The following BRSK1 variants were observed in gnomAD, a reference collection of about 807,000 sequenced individuals.
BRSK1 encodes BR serine/threonine kinase 1, also known as serine/threonine-protein kinase BRSK1.
In BRSK1, 17 loss-of-function variants were observed where a neutral mutation model predicts 86.2. The observed-to-expected ratio is 0.20, with a 90% confidence interval of 0.14 to 0.30. The LOEUF is 0.30. Among genes scored for constraint, BRSK1 ranks in the 10% least tolerant of loss-of-function variants. BRSK1 has a pLI of 1.00. For missense variants in BRSK1, 719 were observed against 1,071.9 expected (o/e 0.67, Z 4.60); for synonymous variants, 464 against 440.1 (o/e 1.05, Z -0.68).
In BRSK1 at chr19:55,303,965, G is replaced by C. The variant is rs2088609071; in HGVS notation, c.1287-85G>C. On this transcript the variant is annotated intron_variant, in intron 12 of 18. Transcript: ENST00000309383. The surrounding 1 kb of genome is among the most constrained non-coding windows in gnomAD (Gnocchi z 5.1). Reference sequence around the variant, plus strand: ...TCTCTGGGCCTCATTTCCTCACCTGGAAGGACTGTAGAAGTGAGGGAACAT... The same window carrying C: ...TCTCTGGGCCTCATTTCCTCACCTGCAAGGACTGTAGAAGTGAGGGAACAT... The C allele has an allele frequency of 6.6e-7, 1 of 1,526,304 alleles. No homozygotes were observed. The highest frequency in any genetic ancestry group is 2.1e-5 in the Admixed American group (1 of 46,800). 94.5% of individuals were successfully genotyped at this position (1,526,304 alleles called of 1,614,324 possible). A position where few individuals can be genotyped will look rare whatever the true frequency, so the allele number is the denominator to read the frequency against.
Position 55,304,202 on chromosome 19 carries a change from G to A in BRSK1, c.1347+92G>A. The A allele has an allele frequency of 1.5e-6, 2 of 1,315,304 alleles. No homozygotes were observed. Among genetic ancestry groups the A allele is most frequent in the Non-Finnish European group, 1.0e-6 (1 of 954,942 alleles). The allele number at this position is 1,315,304 out of a possible 1,614,324, so 81.5% of individuals were successfully genotyped here. A position where few individuals can be genotyped will look rare whatever the true frequency, so the allele number is the denominator to read the frequency against. Reference sequence around the variant, plus strand: ...TAGCAGAAACTACAATTCCTGTGCAGTCTTGAGACTTGCTTCTTTGTCCCT... The same window carrying A: ...TAGCAGAAACTACAATTCCTGTGCAATCTTGAGACTTGCTTCTTTGTCCCT... On this transcript the variant is annotated intron_variant, in intron 13 of 18. Coordinates refer to ENST00000309383, the MANE Select transcript of BRSK1 (RefSeq NM_032430.2). The surrounding 1 kb of genome is among the most constrained non-coding windows in gnomAD (Gnocchi z 5.2).
chr19:55,311,573 A>G (rs1159472966), intron 18 of BRSK1, among the ~76,000 whole-genome samples: 1 of 152,188 alleles, frequency 6.6e-6, no homozygotes, highest in African/African-American at 2.4e-5. Flanking sequence ...CCGTCCTGGC[A>G]GGCTGTTTCC....
In BRSK1 at chr19:55,284,582, A is replaced by G; in HGVS notation, c.136+4A>G. The G allele has an allele frequency of 2.7e-6, 3 of 1,098,108 alleles. No individual in the cohort carries two copies. The highest frequency in any genetic ancestry group is 3.4e-6 in the Non-Finnish European group (3 of 888,222). The allele number at this position is 1,098,108 out of a possible 1,614,324, so 68.0% of individuals were successfully genotyped here. A position where few individuals can be genotyped will look rare whatever the true frequency, so the allele number is the denominator to read the frequency against. On this transcript the variant is annotated splice_donor_region_variant and intron_variant, in intron 1 of 18. Transcript: ENST00000309383. ...ACGCTGGGCAAAGGACAGACAGGTG[A>G]GCCTAGCAGAAGGGGACACCTGGGG...
At chr19:55,301,920 G>A (rs912943541) in intron 8 of BRSK1, 3 of 786,360 alleles carry the variant, frequency 3.8e-6, no homozygotes, top group Non-Finnish European at 6.5e-6. Flanking sequence ...TGCGCATGCG[G>A]CAAAGTAATG....
chr19:55,287,222 G>T lies in BRSK1; in HGVS notation c.240G>T (p.Arg80=). 1 of 1,614,008 alleles carries T rather than the reference G, an allele frequency of 6.2e-7. No homozygotes were observed. The highest frequency in any genetic ancestry group is 1.1e-5 in the South Asian group (1 of 91,078). Residue 80 remains arginine (R), a synonymous_variant, in exon 3 of 19, where the codon CGG becomes CGT. Coordinates refer to ENST00000309383, the MANE Select transcript of BRSK1 (RefSeq NM_032430.2). This position sits in a 1 kb window ranked among gnomAD's most constrained non-coding sequence, Gnocchi z 5.3. ...LSESVLMKVE[R]EIAILKLIEH... is the part of the protein sequence containing the mutation. ...CCCCTCTTGACCCTCAGGTGGAGCG[G>T]GAGATCGCCATCCTGAAGCTCATCG... is the stretch of plus-strand genomic sequence containing the variant.
In BRSK1 at chr19:55,303,128, T is replaced by G. The variant is rs1394811320; in HGVS notation, c.1029-183T>G. On this transcript the variant is annotated intron_variant, in intron 10 of 18. Transcript: ENST00000309383. This position sits in a 1 kb window ranked among gnomAD's most constrained non-coding sequence, Gnocchi z 5.1. ...GCCTGGATGTTAGGTGTTACAGTGT[T>G]ATTATAATTGAGTGAAACACAGCTG... is the stretch of plus-strand genomic sequence containing the variant. 7.8e-6 allele frequency: 5 copies of G among 638,276 alleles called. No individual in the cohort carries two copies. The highest frequency in any genetic ancestry group is 2.9e-5 in the Admixed American group (1 of 34,658). 39.5% of individuals were successfully genotyped at this position (638,276 alleles called of 1,614,324 possible). A position where few individuals can be genotyped will look rare whatever the true frequency, so the allele number is the denominator to read the frequency against.
chr19:55,301,987 C>A, intron 8 of BRSK1, 150 bp from the exon 9 acceptor site: 1 of 984,526 alleles, frequency 1.0e-6, no homozygotes, highest in Non-Finnish European at 1.6e-6. Context: ...ACTCAGTCGC[C>A]ACTAGAGGGC....
rs748366809 is a variant in BRSK1 at position 55,294,394 on chromosome 19, C to G, written c.675C>G (p.Leu225=). The G allele has an allele frequency of 4.3e-6, 7 of 1,613,688 alleles. No individual in the cohort carries two copies. In the African/African-American group the frequency reaches 9.3e-5, roughly 22 times the overall value. ...GTGGAGTCATCCTCTTCGCCCTGCT[C>G]GTGGTAAGGCGCCCTCACCTCTCCT... ...WSCGVILFAL[L]VGALPFDDDN... Residue 225 remains leucine (L), a synonymous_variant, in exon 7 of 19, where the codon CTC becomes CTG. Coordinates refer to ENST00000309383, the MANE Select transcript of BRSK1 (RefSeq NM_032430.2). The surrounding 1 kb of genome is among the most constrained non-coding windows in gnomAD (Gnocchi z 4.9).
In BRSK1 at chr19:55,303,106, TG is replaced by T. The variant is rs1261081865; in HGVS notation, c.1029-203del. 1 of 633,724 alleles carries T rather than the reference TG, an allele frequency of 1.6e-6. No individual in the cohort carries two copies. Among genetic ancestry groups the T allele is most frequent in the Non-Finnish European group, 2.7e-6 (1 of 368,752 alleles). 39.3% of individuals were successfully genotyped at this position (633,724 alleles called of 1,614,324 possible). On this transcript the variant is annotated intron_variant, in intron 10 of 18. Transcript: ENST00000309383. This position sits in a 1 kb window ranked among gnomAD's most constrained non-coding sequence, Gnocchi z 5.1. Reference sequence around the variant, plus strand: ...ATAGTACTTACAAATAGTTCTTGCCTGGATGTTAGGTGTTACAGTGTTATTA... The same window carrying T: ...ATAGTACTTACAAATAGTTCTTGCCTGATGTTAGGTGTTACAGTGTTATTA...
intron 4 of BRSK1, among the ~76,000 whole-genome samples, chr19:55,293,098 C>T (rs1220500938): frequency 1.3e-5 from 2 of 150,430 alleles, no homozygotes; most frequent in African/African-American, 2.4e-5. Context: ...GGTGGCTCAC[C>T]CCTGTAATTC....
At position 55,302,066 on chromosome 19, in the gene BRSK1, A is replaced by G; in HGVS notation, c.826-71A>G. ...TGATCAGGGACCCCAAAACCACCCCAGTCTTTCATTGCGCGCCTACATGTG... is the reference window on the plus strand; with the variant it reads ...TGATCAGGGACCCCAAAACCACCCCGGTCTTTCATTGCGCGCCTACATGTG... On this transcript the variant is annotated intron_variant, in intron 8 of 18. Transcript: ENST00000309383. This position sits in a 1 kb window ranked among gnomAD's most constrained non-coding sequence, Gnocchi z 6.3. The G allele has an allele frequency of 6.4e-7, 1 of 1,566,544 alleles. No individual in the cohort carries two copies. The highest frequency in any genetic ancestry group is 2.2e-5 in the East Asian group (1 of 44,628).
rs1458355270 is a variant in BRSK1, at chr19:55,306,353, G to A, written c.1992G>A (p.Gln664=). 1.2e-6 allele frequency: 2 copies of A among 1,613,978 alleles called. No individual in the cohort carries two copies. Among genetic ancestry groups the A allele is most frequent in the Admixed American group, 1.7e-5 (1 of 59,998 alleles). ...TCTTCCAAAAGCCCGTCCGCTTCCA[G>A]GTGGACATCAGCTCCTCTGAGGGTC... The part of the protein sequence containing the change: ...PSVFQKPVRF[Q]VDISSSEGPE... Residue 664 remains glutamine, a synonymous_variant, in exon 17 of 19, where the codon CAG becomes CAA. Transcript: ENST00000309383. This position sits in a 1 kb window ranked among gnomAD's most constrained non-coding sequence, Gnocchi z 4.7.
At chr19:55,301,490 G>A (rs1260906002) in intron 7 of BRSK1, 22 bp from the exon 8 acceptor site, 28 of 1,611,584 alleles carry the variant, frequency 1.7e-5, no homozygotes, top group Middle Eastern at 3.3e-4. Flanking sequence ...CTAATGAGGG[G>A]TCCTGGTTAT....
chr19:55,297,251 A>T (rs2088502679), intron 7 of BRSK1, among the ~76,000 whole-genome samples: 2 of 151,398 alleles, frequency 1.3e-5, no homozygotes, highest in South Asian at 4.2e-4. Context: ...TAATTTTTGT[A>T]TTTTTAGTAG....
intron 7 of BRSK1, among the ~76,000 whole-genome samples, chr19:55,300,231 C>CA (rs1465997162): frequency 2.0e-5 from 3 of 152,102 alleles, no homozygotes; most frequent in African/African-American, 7.2e-5. Context: ...GGTCTATGGT[C>CA]AGTGCGTCAC....
intron 7 of BRSK1, among the ~76,000 whole-genome samples, chr19:55,300,835 C>T (rs550499203): frequency 6.6e-6 from 1 of 152,212 alleles, no homozygotes; most frequent in East Asian, 1.9e-4. Context: ...GAGCGAAACT[C>T]CATCTCAAAA....
chr19:55,305,083 GGA>G (rs2088629642), intron 14 of BRSK1, among the ~76,000 whole-genome samples, 163 bp downstream of exon 14: 1 of 152,168 alleles, frequency 6.6e-6, no homozygotes, highest in Non-Finnish European at 1.5e-5. Flanking sequence ...CACCTGTTGG[GGA>G]GAGAGGTGGG....
chr19:55,299,511 G>A (rs2088540529), intron 7 of BRSK1, among the ~76,000 whole-genome samples: 1 of 151,456 alleles, frequency 6.6e-6, no homozygotes, highest in Admixed American at 6.6e-5. Flanking sequence ...TCAGCCACCC[G>A]AGTAGCTGGG....
At chr19:55,301,351 G>T (rs994760138) in intron 7 of BRSK1, among the ~76,000 whole-genome samples, 161 bp from the exon 8 acceptor site, 4 of 152,228 alleles carry the variant, frequency 2.6e-5, no homozygotes, top group Non-Finnish European at 5.9e-5. Flanking sequence ...CCAAGTGCCT[G>T]CTGTGCCACG....
Sources: allele counts gnomAD v4.1 joint callset (sites outside exome capture counted in the v4.1 genomes callset), GRCh38; gene constraint gnomAD v4.1.1; non-coding constraint Gnocchi (gnomAD v3.1); transcripts MANE v1.5; gene names NCBI Gene and HGNC (gene_info 2026-07-23, HGNC 2026-07-21).